CACNA2D3: variants seen among roughly 807,000 people sequenced by gnomAD.
CACNA2D3 encodes the protein voltage-dependent calcium channel subunit alpha-2/delta-3.
Under a neutral mutation model 160.6 loss-of-function variants are expected in CACNA2D3, and 60 were observed. That is an observed-to-expected ratio of 0.37 (90% CI 0.30 to 0.46). The LOEUF (loss-of-function observed/expected upper bound fraction) is 0.46, where lower values mean the gene tolerates loss of function less well. Ranked by LOEUF, CACNA2D3 falls within the 20% of genes least tolerant of loss-of-function variation. CACNA2D3 has a pLI of 1.00. For missense variants in CACNA2D3, 1,205 were observed against 1,365.0 expected (o/e 0.88, Z 1.85); for synonymous variants, 558 against 492.9 (o/e 1.13, Z -1.75).
chr3:54,834,791 G>A (rs979486457), intron 14 of CACNA2D3, among the ~76,000 whole-genome samples: 1 of 152,180 alleles, frequency 6.6e-6, no homozygotes, highest in Non-Finnish European at 1.5e-5. Context: ...CAATTGTGGG[G>A]CTGGCAAGTC....
chr3:54,860,674 G>C (rs575029178), intron 17 of CACNA2D3, among the ~76,000 whole-genome samples: 1 of 152,056 alleles, frequency 6.6e-6, no homozygotes, highest in African/African-American at 2.4e-5. Context: ...CCCTTCCTGC[G>C]TCCTCAGGAT....
intron 13 of CACNA2D3, among the ~76,000 whole-genome samples, chr3:54,792,333 A>G (rs1400481262): frequency 3.9e-5 from 6 of 152,348 alleles, no homozygotes; most frequent in South Asian, 2.1e-4. Flanking sequence ...TTGGGACTCC[A>G]TAGAGCAGAG....
intron 3 of CACNA2D3, 41 bp downstream of exon 3, chr3:54,320,599 C>T: frequency 1.8e-6 from 2 of 1,100,740 alleles, no homozygotes; most frequent in Non-Finnish European, 1.3e-6. Flanking sequence ...CCTGAAGGCA[C>T]AAAGGCAGCT....
intron 35 of CACNA2D3, among the ~76,000 whole-genome samples, chr3:55,069,034 C>G (rs1460526487): frequency 6.6e-6 from 1 of 152,084 alleles, no homozygotes; most frequent in South Asian, 2.1e-4. Context: ...TAAATTTTTA[C>G]CCATGTCCTA....
intron 4 of CACNA2D3, among the ~76,000 whole-genome samples, chr3:54,431,054 A>G (rs1366328970): frequency 1.3e-5 from 2 of 152,072 alleles, no homozygotes; most frequent in Non-Finnish European, 2.9e-5. Flanking sequence ...AAAAATCATA[A>G]GGGGCCTGGT....
chr3:54,587,329 G>C (rs1702779733), intron 9 of CACNA2D3, among the ~76,000 whole-genome samples: 1 of 152,140 alleles, frequency 6.6e-6, no homozygotes, highest in Non-Finnish European at 1.5e-5. Flanking sequence ...GGCCGAGGCA[G>C]ATGGATCACC....
intron 3 of CACNA2D3, among the ~76,000 whole-genome samples, chr3:54,335,020 T>C (rs1238258591): frequency 1.3e-5 from 2 of 152,184 alleles, no homozygotes; most frequent in African/African-American, 2.4e-5. Flanking sequence ...AATGAGAACA[T>C]TGATGTAAAG....
intron 3 of CACNA2D3, 88 bp from the exon 4 acceptor site, chr3:54,386,627 T>TA (rs1358561136): frequency 8.3e-7 from 1 of 1,199,926 alleles, no homozygotes; most frequent in African/African-American, 1.5e-5. Context: ...CACGATATAA[T>TA]ATGTCACTTT....
At chr3:54,493,209 C>G (rs1701144534) in intron 4 of CACNA2D3, among the ~76,000 whole-genome samples, 1 of 151,534 alleles carries the variant, frequency 6.6e-6, no homozygotes, top group African/African-American at 2.4e-5. Flanking sequence ...TCCCGCATAG[C>G]TGGGACTACA....
chr3:54,500,143 G>A (rs973777880), intron 4 of CACNA2D3, among the ~76,000 whole-genome samples: 2 of 152,074 alleles, frequency 1.3e-5, no homozygotes, highest in Non-Finnish European at 2.9e-5. Context: ...ATTAAGTAAT[G>A]CCTGCCTATC....
At chr3:54,165,867 CA>C (rs1700445221) in intron 2 of CACNA2D3, among the ~76,000 whole-genome samples, 1 of 152,160 alleles carries the variant, frequency 6.6e-6, no homozygotes, top group Non-Finnish European at 1.5e-5. Flanking sequence ...GTCCCCTAGT[CA>C]CATCTTATCA....
intron 27 of CACNA2D3, among the ~76,000 whole-genome samples, chr3:54,934,402 C>T (rs1296812854): frequency 1.0e-5 from 1 of 97,692 alleles, no homozygotes; most frequent in Non-Finnish European, 2.1e-5. Context: ...GTGTTCATCT[C>T]CTTGTTTTTT....
At chr3:54,569,931 A>C in intron 7 of CACNA2D3, 23 bp from the exon 8 acceptor site, 3 of 1,613,750 alleles carry the variant, frequency 1.9e-6, no homozygotes, top group Non-Finnish European at 2.5e-6. Flanking sequence ...ATTAATTTTG[A>C]CTTAATTTTT....
intron 11 of CACNA2D3, among the ~76,000 whole-genome samples, chr3:54,739,311 T>C (rs1012149538): frequency 6.6e-6 from 1 of 151,124 alleles, no homozygotes; most frequent in African/African-American, 2.4e-5. Context: ...TCCCAGCTAC[T>C]TGGGAGGCCG....
chr3:54,875,708 G>A (rs1322285355), intron 18 of CACNA2D3: 2 of 152,222 alleles, frequency 1.3e-5, no homozygotes, highest in Non-Finnish European at 2.9e-5. Flanking sequence ...TTCTGCTTCA[G>A]CACTGCAGAA....
chr3:54,485,655 C>T (rs2106909313), intron 4 of CACNA2D3, among the ~76,000 whole-genome samples: 1 of 151,930 alleles, frequency 6.6e-6, no homozygotes, highest in East Asian at 1.9e-4. Flanking sequence ...CCTCCATCTC[C>T]TGGGTTCAAG....
intron 5 of CACNA2D3, among the ~76,000 whole-genome samples, chr3:54,543,868 T>C (rs535027360): frequency 1.3e-5 from 2 of 152,262 alleles, no homozygotes; most frequent in Non-Finnish European, 2.9e-5. Context: ...TATATTTCCA[T>C]GTTGTTTTTG....
chr3:54,806,776 A>T lies in CACNA2D3; in HGVS notation c.1381-10077A>T, dbSNP rs1323245414. ...TCCTAAGCCAAAAGAACAAAGCTGGAGGCATCACACTACCTGACTTCAAAC... is the reference window on the plus strand; with the variant it reads ...TCCTAAGCCAAAAGAACAAAGCTGGTGGCATCACACTACCTGACTTCAAAC... On this transcript the variant is annotated intron_variant, in intron 13 of 37. Coordinates refer to ENST00000474759, the MANE Select transcript of CACNA2D3 (RefSeq NM_018398.3). Among the ~76,000 whole-genome samples, 7 of 152,190 alleles carry T rather than the reference A, an allele frequency of 4.6e-5. No individual in the cohort carries two copies. The East Asian group carries it at 1.4e-3, about 29-fold the overall frequency.
intron 9 of CACNA2D3, among the ~76,000 whole-genome samples, chr3:54,608,478 A>G (rs1204114172): frequency 1.3e-5 from 2 of 152,116 alleles, no homozygotes; most frequent in Non-Finnish European, 2.9e-5. Context: ...GGAGGAAGAG[A>G]TGTTACGAAA....
Sources: gnomAD v4.1 joint callset for allele counts (sites outside exome capture counted in the v4.1 genomes callset) on GRCh38, gnomAD v4.1.1 for gene constraint, MANE v1.5 for transcripts, NCBI Gene and HGNC (gene_info 2026-07-23, HGNC 2026-07-21) for gene names.